CTNNA3: variants seen among roughly 807,000 people sequenced by gnomAD.
The protein encoded by CTNNA3 is catenin alpha 3, also known as catenin alpha-3.
CTNNA3 carries 76 observed loss-of-function variants against 95.7 expected under a neutral mutation model. The ratio of observed to expected loss-of-function variants is 0.79; its 90% CI spans 0.66 to 0.96. The LOEUF is 0.96. CTNNA3 is among the 40% of genes least tolerant of loss of function. The probability of loss-of-function intolerance (pLI) is 0.00; values close to 1 mark genes in which losing one functional copy is unlikely to be tolerated. For missense variants in CTNNA3, 1,191 were observed against 1,089.8 expected, an observed-to-expected ratio of 1.09 and a Z score of -1.31; for synonymous variants, 431 against 374.4, an observed-to-expected ratio of 1.15 and a Z score of -1.74.
At chr10:67,137,918 T>C (rs1294298834) in intron 7 of CTNNA3, among the ~76,000 whole-genome samples, 1 of 151,012 alleles carries the variant, frequency 6.6e-6, no homozygotes, top group Non-Finnish European at 1.5e-5. Flanking sequence ...ATTTTATATA[T>C]TTATTTAAAT....
intron 7 of CTNNA3, among the ~76,000 whole-genome samples, chr10:67,000,306 G>A (rs1305404473): frequency 6.6e-6 from 1 of 152,192 alleles, no homozygotes; most frequent in African/African-American, 2.4e-5. Flanking sequence ...AGTGATTGAG[G>A]TAAGAAAAGG....
chr10:67,044,805 G>A (rs1287102788), intron 7 of CTNNA3, among the ~76,000 whole-genome samples: 1 of 152,126 alleles, frequency 6.6e-6, no homozygotes, highest in Non-Finnish European at 1.5e-5. Flanking sequence ...ATGGTCTTTG[G>A]AGCCAAGAAA....
chr10:66,783,729 A>C (rs1231496979), intron 7 of CTNNA3, among the ~76,000 whole-genome samples: 1 of 152,124 alleles, frequency 6.6e-6, no homozygotes, highest in Non-Finnish European at 1.5e-5. Context: ...AGACCAAATA[A>C]ATTATTTTCC....
chr10:66,009,897 C>T (rs142217446), intron 15 of CTNNA3, among the ~76,000 whole-genome samples: 3 of 152,270 alleles, frequency 2.0e-5, no homozygotes, highest in South Asian at 4.1e-4. Context: ...CAAAAATATA[C>T]GTGTCGAGAG....
intron 7 of CTNNA3, among the ~76,000 whole-genome samples, chr10:67,155,109 T>G (rs149344677): frequency 1.3e-5 from 2 of 152,358 alleles, no homozygotes; most frequent in African/African-American, 4.8e-5. Flanking sequence ...ATGTCTATGT[T>G]ACCAGTAGGC....
At chr10:66,472,858 C>T (rs1839185389) in intron 11 of CTNNA3, among the ~76,000 whole-genome samples, 3 of 151,842 alleles carry the variant, frequency 2.0e-5, no homozygotes, top group South Asian at 2.1e-4. Flanking sequence ...TGTAATTTTA[C>T]CTCAGCTGTT....
chr10:66,616,402 C>A (rs1466748706), intron 10 of CTNNA3, among the ~76,000 whole-genome samples: 1 of 152,062 alleles, frequency 6.6e-6, no homozygotes, highest in Admixed American at 6.6e-5. Context: ...TATTTTGCCC[C>A]TCGGGGCCCT....
chr10:66,648,691 TG>T (rs5785774), intron 9 of CTNNA3, among the ~76,000 whole-genome samples: 100,176 of 151,894 alleles, frequency 0.66, 33,945 homozygotes, highest in East Asian at 0.95. Flanking sequence ...CCCAGACTTT[TG>T]TTTGGGAAAC....
At chr10:66,272,640 T>C (rs1163773384) in intron 13 of CTNNA3, among the ~76,000 whole-genome samples, 3 of 114,852 alleles carry the variant, frequency 2.6e-5, no homozygotes, top group African/African-American at 1.4e-4. Flanking sequence ...TTCTCCAAAT[T>C]GGGCACTTAA....
chr10:66,631,820 A>G (rs1268108464), intron 9 of CTNNA3, among the ~76,000 whole-genome samples: 1 of 152,150 alleles, frequency 6.6e-6, no homozygotes, highest in African/African-American at 2.4e-5. Flanking sequence ...CCAGGTCTCA[A>G]AATTGTCTAC....
At position 67,185,472 on chromosome 10, in the gene CTNNA3, T is replaced by C. The variant is rs1457796546; in HGVS notation, c.844-4952A>G. ...CCTCTATTGAGTCTCTCCATTTTTCTGTCTTACATGGGCAAAAAAATTTTT... is the reference window on the plus strand; with the variant it reads ...CCTCTATTGAGTCTCTCCATTTTTCCGTCTTACATGGGCAAAAAAATTTTT... On this transcript the variant is annotated intron_variant, in intron 6 of 17. Coordinates refer to ENST00000433211, the MANE Select transcript of CTNNA3 (RefSeq NM_013266.4). Among the ~76,000 whole-genome samples, 6 of 152,114 alleles carry C rather than the reference T, an allele frequency of 3.9e-5. No homozygotes were observed. The South Asian group carries it at 8.3e-4, about 21-fold the overall frequency.
At chr10:66,827,500 G>A (rs1261025489) in intron 7 of CTNNA3, among the ~76,000 whole-genome samples, 2 of 152,028 alleles carry the variant, frequency 1.3e-5, no homozygotes, top group African/African-American at 4.8e-5. Flanking sequence ...ATATTGTCCT[G>A]CTATGCAATA....
intron 5 of CTNNA3, among the ~76,000 whole-genome samples, chr10:67,337,118 G>T (rs1015760594): frequency 2.0e-5 from 3 of 152,026 alleles, no homozygotes; most frequent in Non-Finnish European, 4.4e-5. Flanking sequence ...TCCTATGATG[G>T]ACCTGAGCAA....
chr10:66,739,318 A>C (rs1427142719), intron 9 of CTNNA3, among the ~76,000 whole-genome samples: 1 of 152,202 alleles, frequency 6.6e-6, no homozygotes, highest in African/African-American at 2.4e-5. Flanking sequence ...GTGGATCCTG[A>C]TAATTTGCAT....
intron 9 of CTNNA3, among the ~76,000 whole-genome samples, chr10:66,684,528 G>C (rs1847178521): frequency 6.6e-6 from 1 of 151,946 alleles, no homozygotes; most frequent in Admixed American, 6.6e-5. Flanking sequence ...TTCTATAATA[G>C]GCTTAGTGCT....
intron 10 of CTNNA3, among the ~76,000 whole-genome samples, chr10:66,554,217 T>C (rs1049025003): frequency 1.3e-5 from 2 of 152,180 alleles, no homozygotes; most frequent in African/African-American, 2.4e-5. Flanking sequence ...TTATAAAACA[T>C]AGTTCAGCTT....
At chr10:66,320,349 A>G (rs2092164117) in intron 12 of CTNNA3, among the ~76,000 whole-genome samples, 1 of 152,104 alleles carries the variant, frequency 6.6e-6, no homozygotes. Context: ...GCCTCTAGCC[A>G]GTTGGCAAAT....
intron 11 of CTNNA3, among the ~76,000 whole-genome samples, chr10:66,384,608 A>C (rs2092873081): frequency 6.6e-6 from 1 of 152,178 alleles, no homozygotes; most frequent in Admixed American, 6.5e-5. Context: ...ACATCTACAG[A>C]ACTCTCCATC....
intron 5 of CTNNA3, among the ~76,000 whole-genome samples, chr10:67,504,971 C>T (rs945581094): frequency 7.2e-5 from 11 of 152,202 alleles, no homozygotes; most frequent in Non-Finnish European, 1.5e-4. Context: ...TTGATCTTAA[C>T]TATGCCCAAT....
Sources: allele counts gnomAD v4.1 joint callset (sites outside exome capture counted in the v4.1 genomes callset), GRCh38; gene constraint gnomAD v4.1.1; transcripts MANE v1.5; gene names NCBI Gene and HGNC (gene_info 2026-07-23, HGNC 2026-07-21).